The following MAP4K4 variants were observed in gnomAD, a reference collection of about 807,000 sequenced individuals.
MAP4K4 encodes HPK/GCK-like kinase HGK.
Under a neutral mutation model 189.6 loss-of-function variants are expected in MAP4K4, and 38 were observed. The ratio of observed to expected loss-of-function variants is 0.20; its 90% confidence interval spans 0.15 to 0.26. The LOEUF is 0.26. Ranked by LOEUF, MAP4K4 falls within the 10% of genes least tolerant of loss-of-function variation. The pLI is 1.00. For missense variants in MAP4K4, 1,054 were observed against 1,726.9 expected (o/e 0.61, Z 6.91); for synonymous variants, 610 against 624.3 (o/e 0.98, Z 0.34).
chr2:101,843,061 C>T (rs902592911), intron 11 of MAP4K4, among the ~76,000 whole-genome samples: 8 of 152,274 alleles, frequency 5.3e-5, no homozygotes, highest in African/African-American at 1.9e-4. Flanking sequence ...GCCCATGGAC[C>T]AGCAGGACTG....
At chr2:101,777,814 A>C (rs1454731366) in intron 2 of MAP4K4, among the ~76,000 whole-genome samples, 1 of 152,188 alleles carries the variant, frequency 6.6e-6, no homozygotes, top group Non-Finnish European at 1.5e-5. Context: ...AGTGTCTTGT[A>C]TATCAGAATG....
intron 3 of MAP4K4, among the ~76,000 whole-genome samples, chr2:101,819,036 G>A (rs893306779): frequency 6.6e-6 from 1 of 152,180 alleles, no homozygotes. Context: ...CAGTAGTTTG[G>A]ACTCTGCCTG....
intron 7 of MAP4K4, 56 bp from the exon 8 acceptor site, chr2:101,834,353 A>T (rs1382931973): frequency 3.0e-6 from 4 of 1,318,800 alleles, no homozygotes; most frequent in Non-Finnish European, 4.3e-6. Flanking sequence ...CAGACATGTA[A>T]GTTAGTGGCT....
chr2:101,793,022 G>A (rs1056474376), intron 3 of MAP4K4, among the ~76,000 whole-genome samples: 2 of 152,100 alleles, frequency 1.3e-5, no homozygotes, highest in African/African-American at 2.4e-5. Flanking sequence ...AATACATACC[G>A]ATATGTGTAA....
At chr2:101,738,741 T>C (rs973682770) in intron 2 of MAP4K4, among the ~76,000 whole-genome samples, 4 of 152,022 alleles carry the variant, frequency 2.6e-5, no homozygotes, top group African/African-American at 9.7e-5. Flanking sequence ...CTCTGCTTGC[T>C]TTCTGGGTTC....
At chr2:101,836,545 G>A (rs186999308) in intron 9 of MAP4K4, among the ~76,000 whole-genome samples, 16 of 152,022 alleles carry the variant, frequency 1.1e-4, no homozygotes, top group African/African-American at 3.6e-4. Context: ...CCGAGATCAC[G>A]CCATTGCACT....
At chr2:101,883,020 G>A (rs1179473118) in intron 28 of MAP4K4, among the ~76,000 whole-genome samples, 1 of 152,184 alleles carries the variant, frequency 6.6e-6, no homozygotes, top group Non-Finnish European at 1.5e-5. Context: ...GTAAGATGTG[G>A]TTCACAGTAA....
intron 32 of MAP4K4, among the ~76,000 whole-genome samples, chr2:101,890,611 A>G (rs185927302): frequency 6.6e-6 from 1 of 152,006 alleles, no homozygotes; most frequent in South Asian, 2.1e-4. Context: ...GCCCACCACC[A>G]TGCCCAGCTA....
At chr2:101,813,171 C>T (rs1427817133) in intron 3 of MAP4K4, among the ~76,000 whole-genome samples, 4 of 152,106 alleles carry the variant, frequency 2.6e-5, no homozygotes, top group Non-Finnish European at 4.4e-5. Context: ...TATTGACTTC[C>T]ACTATGAAGT....
rs1553493584 is a variant in MAP4K4 at position 101,811,386 on chromosome 2, A to AAAAAGG, written c.181-12538_181-12537insGGAAAA. ...ACTGCGTCTCAAAAAAAAAAAAAAA[A>AAAAAGG]AAAAAGAATGTGGAAGTAGTTTTGC... On this transcript the variant is annotated intron_variant, in intron 3 of 32. Transcript: ENST00000324219. 6.0e-3 allele frequency among the ~76,000 whole-genome samples: 841 copies of AAAAAGG among 140,792 alleles called. 23 individuals carry two copies. Among genetic ancestry groups the AAAAAGG allele is most frequent in the African/African-American group, 0.024 (791 of 32,464 alleles). The allele number at this position is 140,792 out of a possible 152,430, so 92.4% of individuals were successfully genotyped here.
rs200445614 is a variant in MAP4K4, at chr2:101,879,272, GTT to G, written c.3385+2139_3385+2140del. On this transcript the variant is annotated intron_variant, in intron 27 of 32. Coordinates refer to ENST00000324219, the Ensembl canonical transcript of MAP4K4. ...TAATCATTTTTTGGTCTACTTTTCT[GTT>G]TTTTTTTTTTTTCCTTCCTTATTAA... 4.2e-3 allele frequency among the ~76,000 whole-genome samples: 523 copies of G among 125,616 alleles called. 3 individuals are homozygous for G. Among genetic ancestry groups the G allele is most frequent in the African/African-American group, 0.012 (427 of 34,424 alleles). 82.4% of individuals were successfully genotyped at this position (125,616 alleles called of 152,430 possible). A position where few individuals can be genotyped will look rare whatever the true frequency, so the allele number is the denominator to read the frequency against.
At position 101,824,402 on chromosome 2, in the gene MAP4K4, G is replaced by A. The variant is rs564763279; in HGVS notation, c.306+349G>A. On this transcript the variant is annotated intron_variant, in intron 4 of 32. Transcript: ENST00000324219. ...GGAACAAAATTAATTTGAAAGCTCA[G>A]TAAATTGAGCTTACCACTTGGAAAT... 1.2e-3 allele frequency among the ~76,000 whole-genome samples: 189 copies of A among 152,324 alleles called. 3 individuals are homozygous for A. The highest frequency in any genetic ancestry group is 4.9e-3 in the Admixed American group (75 of 15,306).
chr2:101,884,855 AT>A (rs2098459093), intron 28 of MAP4K4, among the ~76,000 whole-genome samples: 1 of 152,154 alleles, frequency 6.6e-6, no homozygotes. Flanking sequence ...TGGCTGATTA[AT>A]CATGTTGTTA....
chr2:101,736,394 A>G (rs2060282975), intron 2 of MAP4K4, among the ~76,000 whole-genome samples: 1 of 152,088 alleles, frequency 6.6e-6, no homozygotes, highest in Non-Finnish European at 1.5e-5. Context: ...GCACTTCTGT[A>G]TGCCTCTCTC....
intron 2 of MAP4K4, among the ~76,000 whole-genome samples, chr2:101,735,717 G>A (rs571759864): frequency 1.3e-5 from 2 of 152,272 alleles, no homozygotes; most frequent in Admixed American, 1.3e-4. Flanking sequence ...GTAATAGTAG[G>A]GTGGGTCCCA....
intron 16 of MAP4K4, chr2:101,862,286 G>A (rs2097687714): frequency 6.7e-6 from 1 of 149,042 alleles, no homozygotes; most frequent in Admixed American, 6.7e-5. Flanking sequence ...CTAGGACTGA[G>A]GCCAGGGCTG....
chr2:101,825,472 G>A, intron 5 of MAP4K4, 43 bp downstream of exon 5: 1 of 1,297,458 alleles, frequency 7.7e-7, no homozygotes, highest in South Asian at 1.2e-5. Context: ...TCATGATCCT[G>A]TGCTTCCGTT....
intron 7 of MAP4K4, among the ~76,000 whole-genome samples, chr2:101,832,838 G>C (rs753846254): frequency 7.1e-6 from 1 of 141,366 alleles, no homozygotes; most frequent in Non-Finnish European, 1.5e-5. Context: ...ACTTTCTGAA[G>C]AGCCTGGGCC....
At chr2:101,773,875 T>C (rs968120208) in intron 2 of MAP4K4, among the ~76,000 whole-genome samples, 3 of 152,230 alleles carry the variant, frequency 2.0e-5, no homozygotes, top group Non-Finnish European at 2.9e-5. Flanking sequence ...CTTAACATAG[T>C]GATCTCCAGT....
Sources: allele counts gnomAD v4.1 joint callset (sites outside exome capture counted in the v4.1 genomes callset), GRCh38; gene constraint gnomAD v4.1.1; transcripts MANE v1.5; gene names NCBI Gene and HGNC (gene_info 2026-07-23, HGNC 2026-07-21).